The following MUSK variants were observed in gnomAD, a reference collection of about 807,000 sequenced individuals.
The protein encoded by MUSK is muscle associated receptor tyrosine kinase.
Under a neutral mutation model 88.7 loss-of-function variants are expected in MUSK, and 55 were observed. The ratio of observed to expected loss-of-function variants is 0.62; its 90% CI spans 0.50 to 0.78. The LOEUF (loss-of-function observed/expected upper bound fraction) is 0.78, where lower values mean the gene tolerates loss of function less well. MUSK is among the 30% of genes least tolerant of loss of function. The pLI, the probability that MUSK is intolerant of heterozygous loss-of-function variation, is 0.00. For missense variants in MUSK, 1,015 were observed against 1,074.3 expected (o/e 0.94, Z 0.77); for synonymous variants, 387 against 391.9 (o/e 0.99, Z 0.15).
intron 1 of MUSK, 72 bp downstream of exon 1, chr9:110,669,055 A>C: frequency 1.5e-6 from 2 of 1,313,260 alleles, no homozygotes; most frequent in East Asian, 4.6e-5. Context: ...AGATATGACC[A>C]AGACTGATTT....
At chr9:110,723,448 C>T (rs1177959359) in intron 5 of MUSK, among the ~76,000 whole-genome samples, 2 of 151,498 alleles carry the variant, frequency 1.3e-5, no homozygotes, top group Non-Finnish European at 3.0e-5. Flanking sequence ...AAGAACGACA[C>T]ATTAGACTTT....
intron 9 of MUSK, 98 bp downstream of exon 9, chr9:110,768,181 G>A: frequency 7.9e-7 from 1 of 1,267,800 alleles, no homozygotes; most frequent in East Asian, 2.3e-5. Flanking sequence ...ACAGTAAAAG[G>A]AAAAGCTGGT....
At chr9:110,744,817 A>C in intron 6 of MUSK, among the ~76,000 whole-genome samples, 1 of 152,152 alleles carries the variant, frequency 6.6e-6, no homozygotes, top group East Asian at 1.9e-4. Context: ...CATTTCCTGT[A>C]ACTACCAGAC....
At chr9:110,698,578 G>A (rs1172496014) in intron 5 of MUSK, among the ~76,000 whole-genome samples, 2 of 151,732 alleles carry the variant, frequency 1.3e-5, no homozygotes, top group Admixed American at 1.3e-4. Flanking sequence ...TTCCTTGATG[G>A]ACATTCCTGT....
At chr9:110,763,819 G>A (rs2077435890) in intron 8 of MUSK, among the ~76,000 whole-genome samples, 1 of 152,132 alleles carries the variant, frequency 6.6e-6, no homozygotes. Flanking sequence ...TGTGTTCAAA[G>A]GGAGTAGACA....
At chr9:110,766,855 C>T (rs1057288609) in intron 8 of MUSK, among the ~76,000 whole-genome samples, 4 of 152,074 alleles carry the variant, frequency 2.6e-5, no homozygotes, top group South Asian at 2.1e-4. Context: ...ATACTGAGAC[C>T]ATCACAGTGC....
At position 110,691,683 on chromosome 9, in the gene MUSK, A is replaced by G. The variant is rs191549171; in HGVS notation, c.359-3720A>G. Among the ~76,000 whole-genome samples, 794 of 152,276 alleles carry G rather than the reference A, an allele frequency of 5.2e-3. 7 individuals are homozygous for G. Among genetic ancestry groups the G allele is most frequent in the Non-Finnish European group, 6.9e-3 (466 of 68,022 alleles). ...TTCTCTGACATGCTTATAACCATAC[A>G]TACGGGCACCACACAAATTAGAGGA... On this transcript the variant is annotated intron_variant, in intron 3 of 14. Transcript: ENST00000374448.
intron 1 of MUSK, among the ~76,000 whole-genome samples, chr9:110,676,903 T>C (rs1018441030): frequency 7.2e-5 from 11 of 152,160 alleles, no homozygotes; most frequent in Non-Finnish European, 1.5e-4. Flanking sequence ...TGTTATTTCA[T>C]TGAGGAAAGA....
chr9:110,672,493 C>T (rs981164948), intron 1 of MUSK, among the ~76,000 whole-genome samples: 2 of 152,058 alleles, frequency 1.3e-5, no homozygotes, highest in Admixed American at 1.3e-4. Context: ...AGGATTGGCA[C>T]TTTCCAGGGT....
chr9:110,675,609 G>T (rs759382377), intron 1 of MUSK, among the ~76,000 whole-genome samples: 6 of 105,910 alleles, frequency 5.7e-5, no homozygotes, highest in Admixed American at 1.5e-4. Context: ...TCACTCTGTT[G>T]CCCAGGCTGG....
intron 5 of MUSK, among the ~76,000 whole-genome samples, chr9:110,702,405 C>T (rs139268178): frequency 6.6e-6 from 1 of 152,206 alleles, no homozygotes; most frequent in East Asian, 1.9e-4. Flanking sequence ...AAGCTGAGAA[C>T]CACAAAAGTA....
rs1449686763 is a variant in MUSK, at chr9:110,787,712, G to C, written c.1801G>C (p.Glu601Gln). 6.2e-7 allele frequency: 1 copy of C among 1,613,924 alleles called. No homozygotes were observed. Among genetic ancestry groups the C allele is most frequent in the Non-Finnish European group, 8.5e-7 (1 of 1,179,858 alleles). The change falls in exon 14 of 15, where the codon GAA becomes CAA. Residue 601 changes from glutamate (E) to glutamine (Q), a missense_variant. Physicochemically the swap from Glu to Gln is conservative, Grantham distance 29. Transcript: ENST00000374448. Reference sequence around the variant, plus strand: ...CAGGGCACCAGGCTTACTTCCCTATGAACCTTTCACTATGGTGGCAGTAAA... The same window carrying C: ...CAGGGCACCAGGCTTACTTCCCTATCAACCTTTCACTATGGTGGCAGTAAA... ...QARAPGLLPY[E>Q]PFTMVAVKML...
In MUSK at chr9:110,715,597, A is replaced by G. The variant is rs2076733781; in HGVS notation, c.628+18131A>G. Among the ~76,000 whole-genome samples, 2 of 148,862 alleles carry G rather than the reference A, an allele frequency of 1.3e-5. 1 individual carries two copies. Among genetic ancestry groups the G allele is most frequent in the African/African-American group, 5.2e-5 (2 of 38,802 alleles). On this transcript the variant is annotated intron_variant, in intron 5 of 14. Transcript: ENST00000374448. Reference sequence around the variant, plus strand: ...AGATATTGACTATAAGGAAAATGATAAACAACTTAATGAAATGGCACTATG... The same window carrying G: ...AGATATTGACTATAAGGAAAATGATGAACAACTTAATGAAATGGCACTATG...
At chr9:110,761,966 G>A in intron 7 of MUSK, 1 of 977,046 alleles carries the variant, frequency 1.0e-6, no homozygotes, top group Non-Finnish European at 1.2e-6. Flanking sequence ...ACCCATGATT[G>A]ACTCAGTTTG....
At chr9:110,681,014 AAT>A (rs1564209265) in intron 1 of MUSK, among the ~76,000 whole-genome samples, 4 of 30,954 alleles carry the variant, frequency 1.3e-4, no homozygotes, top group African/African-American at 5.2e-4. Context: ...TATTATATAT[AAT>A]ATATATTATA....
intron 2 of MUSK, among the ~76,000 whole-genome samples, chr9:110,684,929 C>G (rs1281349342): frequency 6.6e-6 from 1 of 152,046 alleles, no homozygotes; most frequent in Non-Finnish European, 1.5e-5. Flanking sequence ...GATAATTCTT[C>G]CCTTCCAATT....
intron 5 of MUSK, among the ~76,000 whole-genome samples, chr9:110,723,976 G>C (rs2076850230): frequency 6.6e-6 from 1 of 151,796 alleles, no homozygotes; most frequent in South Asian, 2.1e-4. Context: ...TCACATTTCT[G>C]TCCATCTTTC....
At chr9:110,778,483 A>G (rs2077703183) in intron 11 of MUSK, among the ~76,000 whole-genome samples, 1 of 152,074 alleles carries the variant, frequency 6.6e-6, no homozygotes, top group African/African-American at 2.4e-5. Context: ...TTCTATACAT[A>G]TACATGGAGA....
chr9:110,755,594 C>T (rs2077300368), intron 7 of MUSK, among the ~76,000 whole-genome samples: 1 of 151,986 alleles, frequency 6.6e-6, no homozygotes, highest in South Asian at 2.1e-4. Context: ...GATTAAAAAC[C>T]CAGCCTGATC....
Sources: allele counts gnomAD v4.1 joint callset (sites outside exome capture counted in the v4.1 genomes callset), GRCh38; gene constraint gnomAD v4.1.1; transcripts MANE v1.5; gene names NCBI Gene and HGNC (gene_info 2026-07-23, HGNC 2026-07-21).